EPHA2: variants seen among roughly 807,000 people sequenced by gnomAD.
EPHA2 encodes EPH receptor A2, also known as ephrin type-A receptor 2.
EPHA2 carries 54 observed loss-of-function variants against 104.9 expected under a neutral mutation model. The ratio of observed to expected loss-of-function variants is 0.51; its 90% CI spans 0.41 to 0.65. The LOEUF is 0.65. Ranked by LOEUF, EPHA2 falls within the 30% of genes least tolerant of loss-of-function variation. The probability of loss-of-function intolerance (pLI) is 0.00; values close to 1 mark genes in which losing one functional copy is unlikely to be tolerated. For synonymous variants in EPHA2, 560 were observed against 559.1 expected, an observed-to-expected ratio of 1.00 and a Z score of -0.02; for missense variants, 1,117 against 1,369.5, an observed-to-expected ratio of 0.82 and a Z score of 2.91.
intron 1 of EPHA2, among the ~76,000 whole-genome samples, chr1:16,153,958 C>A (rs945552998): frequency 6.6e-6 from 1 of 151,958 alleles, no homozygotes; most frequent in South Asian, 2.1e-4. Flanking sequence ...GACTCAGAGT[C>A]GAAGCAAAAA....
intron 1 of EPHA2, chr1:16,153,039 T>C (rs1425507666): frequency 1.2e-6 from 1 of 836,782 alleles, no homozygotes; most frequent in African/African-American, 1.8e-5. Context: ...TGGGAGCCCC[T>C]CGGCTGACCC....
intron 16 of EPHA2, among the ~76,000 whole-genome samples, chr1:16,127,093 A>G (rs2024484245): frequency 6.6e-6 from 1 of 152,158 alleles, no homozygotes; most frequent in Non-Finnish European, 1.5e-5. Context: ...GAAAACTCCA[A>G]GGCCATATAC....
Position 16,148,970 on chromosome 1 carries a change from C to G in EPHA2, c.231G>C (p.Gln77His). ...CCCAGTTGGTGCGGAGCCAGTTGTC[C>G]TGGTCGCCAGACATCACGTTGCACA... ...YSVCNVMSGDQDNWLRTNWVY... is the reference protein window; with the variant it reads ...YSVCNVMSGDHDNWLRTNWVY... The change falls in exon 3 of 17, where the codon CAG becomes CAC. Residue 77 changes from glutamine to histidine, a missense_variant. Physicochemically the swap from Gln to His is conservative, Grantham distance 24. Around this residue, in one of 3 missense-constraint regions of EPHA2, gnomAD observed 664 missense variants for 784.8 expected, o/e 0.85. Transcript: ENST00000358432. The surrounding 1 kb of genome is among the most constrained non-coding windows in gnomAD (Gnocchi z 4.9). 2 of 1,614,156 alleles carry G rather than the reference C, an allele frequency of 1.2e-6. No individual in the cohort carries two copies. Among genetic ancestry groups the G allele is most frequent in the Non-Finnish European group, 1.7e-6 (2 of 1,180,044 alleles).
intron 3 of EPHA2, among the ~76,000 whole-genome samples, chr1:16,140,117 G>C (rs2024794699): frequency 2.0e-5 from 3 of 152,208 alleles, no homozygotes; most frequent in African/African-American, 2.4e-5. Flanking sequence ...GGACTCAAAG[G>C]ACACCCAGCT....
rs1490324667 is a variant in EPHA2 at position 16,148,332 on chromosome 1, T to C, written c.823+46A>G. 6.3e-7 allele frequency: 1 copy of C among 1,590,204 alleles called. No homozygotes were observed. Among genetic ancestry groups the C allele is most frequent in the African/African-American group, 1.5e-5 (1 of 67,708 alleles). ...GATTCCAAAGCTAAAGACCAGAACC[T>C]GGGAATGCAGAACCCCCTTCCCTGC... is the stretch of plus-strand genomic sequence containing the variant. On this transcript the variant is annotated intron_variant, in intron 3 of 16. Transcript: ENST00000358432. This position sits in a 1 kb window ranked among gnomAD's most constrained non-coding sequence, Gnocchi z 4.9.
intron 1 of EPHA2, among the ~76,000 whole-genome samples, 192 bp from the exon 2 acceptor site, chr1:16,151,155 A>C (rs1331782117): frequency 6.6e-6 from 1 of 152,176 alleles, no homozygotes; most frequent in African/African-American, 2.4e-5. Context: ...AAAAGGATGG[A>C]ACCCAGCTGA....
Position 16,138,087 on chromosome 1 carries a change from T to A in EPHA2, c.1078A>T (p.Ile360Phe), listed in dbSNP as rs750258585. ...PPQDSGGREDIVYSVTCEQCW... is the reference protein window; with the variant it reads ...PPQDSGGREDFVYSVTCEQCW... ...TGTTCGCAGGTGACGCTGTAGACAA[T>A]GTCCTCGCGGCCCCCGCTGTCCTGA... The change falls in exon 5 of 17, where the codon ATT (isoleucine) becomes TTT (phenylalanine). Residue 360 changes from isoleucine (I) to phenylalanine (F), a missense_variant. Ile to Phe is a conservative substitution (Grantham distance 21). Coordinates refer to ENST00000358432, the MANE Select transcript of EPHA2 (RefSeq NM_004431.5). 6.2e-7 allele frequency: 1 copy of A among 1,611,326 alleles called. No homozygotes were observed. The highest frequency in any genetic ancestry group is 1.7e-5 in the Admixed American group (1 of 60,008).
intron 5 of EPHA2, among the ~76,000 whole-genome samples, chr1:16,137,419 A>C (rs1189051662): frequency 6.6e-6 from 1 of 152,008 alleles, no homozygotes; most frequent in Non-Finnish European, 1.5e-5. Context: ...CGACATAGTG[A>C]AACCCTGTCT....
rs2024967979 is a variant in EPHA2 at position 16,148,231 on chromosome 1, G to A, written c.823+147C>T. Reference sequence around the variant, plus strand: ...GTCCAGCCTTAATAAGGAAACTGATGTCTGGGAAGGATCTATAATTTCCAC... The same window carrying A: ...GTCCAGCCTTAATAAGGAAACTGATATCTGGGAAGGATCTATAATTTCCAC... On this transcript the variant is annotated intron_variant, in intron 3 of 16. Coordinates refer to ENST00000358432, the MANE Select transcript of EPHA2 (RefSeq NM_004431.5). The surrounding 1 kb of genome is among the most constrained non-coding windows in gnomAD (Gnocchi z 4.9). 2 of 1,036,296 alleles carry A rather than the reference G, an allele frequency of 1.9e-6. No homozygotes were observed. The highest frequency in any genetic ancestry group is 1.6e-5 in the African/African-American group (1 of 63,416). The allele number at this position is 1,036,296 out of a possible 1,614,324, so 64.2% of individuals were successfully genotyped here.
rs1011612732 is a variant in EPHA2, at chr1:16,150,298, C to G, written c.153+598G>C. The stretch of plus-strand genomic sequence containing the variant: ...GAGCCACATCTTCCCCAAGATCACA[C>G]AGCAGACACACACAGCCAGGGGAAG... On this transcript the variant is annotated intron_variant, in intron 2 of 16. Transcript: ENST00000358432. The surrounding 1 kb of genome is among the most constrained non-coding windows in gnomAD (Gnocchi z 4.8). Among the ~76,000 whole-genome samples the G allele has an allele frequency of 6.6e-6, 1 of 152,186 alleles. No individual in the cohort carries two copies. Among genetic ancestry groups the G allele is most frequent in the South Asian group, 2.1e-4 (1 of 4,828 alleles).
chr1:16,133,390 G>A, intron 10 of EPHA2, 22 bp from the exon 11 acceptor site: 3 of 1,613,822 alleles, frequency 1.9e-6, no homozygotes, highest in Non-Finnish European at 2.5e-6. Context: ...CAGGGTCAGG[G>A]GAGTGCCCTG....
chr1:16,139,125 C>A (rs1028105705), intron 3 of EPHA2, among the ~76,000 whole-genome samples: 1 of 152,202 alleles, frequency 6.6e-6, no homozygotes, highest in Non-Finnish European at 1.5e-5. Flanking sequence ...CCCCCAGTGG[C>A]CAGTCCTGTC....
At chr1:16,146,021 G>A (rs765368075) in intron 3 of EPHA2, among the ~76,000 whole-genome samples, 2 of 152,202 alleles carry the variant, frequency 1.3e-5, no homozygotes, top group Admixed American at 6.5e-5. Context: ...GACGACACCC[G>A]TCTACGGTAG....
At position 16,135,158 on chromosome 1, in the gene EPHA2, G is replaced by A; in HGVS notation, c.1460C>T (p.Thr487Ile). 1 of 1,614,000 alleles carries A rather than the reference G, an allele frequency of 6.2e-7. No homozygotes were observed. Among genetic ancestry groups the A allele is most frequent in the Non-Finnish European group, 8.5e-7 (1 of 1,180,008 alleles). ...GDSNSYNVRR[T>I]EGFSVTLDDL... The stretch of plus-strand genomic sequence containing the variant: ...GTCCAGGGTCACGGAGAAACCCTCG[G>A]TGCGGCGCACATTGTAGCTGTTGGA... Residue 487 changes from threonine to isoleucine, a missense_variant, in exon 7 of 17, where the codon ACC becomes ATC. Coordinates refer to ENST00000358432, the MANE Select transcript of EPHA2 (RefSeq NM_004431.5). The surrounding 1 kb of genome is among the most constrained non-coding windows in gnomAD (Gnocchi z 4.3).
chr1:16,136,520 G>C (rs1317808892), intron 5 of EPHA2, among the ~76,000 whole-genome samples: 1 of 150,490 alleles, frequency 6.6e-6, no homozygotes. Flanking sequence ...TCAGGAGGCT[G>C]AGGCAGGAGA....
At position 16,138,338 on chromosome 1, in the gene EPHA2, A is replaced by T; in HGVS notation, c.916T>A (p.Ser306Thr). The T allele has an allele frequency of 6.2e-7, 1 of 1,613,874 alleles. No individual in the cohort carries two copies. Among genetic ancestry groups the T allele is most frequent in the Non-Finnish European group, 8.5e-7 (1 of 1,179,964 alleles). Residue 306 changes from serine (S) to threonine (T), a missense_variant, in exon 4 of 17, where the codon TCC becomes ACC. Transcript: ENST00000358432. ...HTLPSPEGAT[S>T]CECEEGFFRA... ...AAGAAGCCTTCCTCACACTCGCAGGAGGTGGCACCCTCAGGGGATGGCAGC... is the reference window on the plus strand; with the variant it reads ...AAGAAGCCTTCCTCACACTCGCAGGTGGTGGCACCCTCAGGGGATGGCAGC...
In EPHA2 at chr1:16,131,796, C is replaced by G; in HGVS notation, c.2400G>C (p.Val800=). 1 of 1,614,170 alleles carries G rather than the reference C, an allele frequency of 6.2e-7. No homozygotes were observed. The highest frequency in any genetic ancestry group is 8.5e-7 in the Non-Finnish European group (1 of 1,180,040). The change falls in exon 14 of 17, where the codon GTG becomes GTC. Residue 800 remains valine, a synonymous_variant. Coordinates refer to ENST00000358432, the MANE Select transcript of EPHA2 (RefSeq NM_004431.5). The surrounding 1 kb of genome is among the most constrained non-coding windows in gnomAD (Gnocchi z 5.2). ...CCCACATGACAATGCCAAAGCTCCA[C>G]ACGTCGCTGGCAGAGGTGAACTTCC... ...SYRKFTSASD[V]WSFGIVMWEV...
Position 16,125,613 on chromosome 1 carries a change from A to G in EPHA2, c.2826-293T>C, listed in dbSNP as rs967638160. Among the ~76,000 whole-genome samples, 11 of 152,100 alleles carry G rather than the reference A, an allele frequency of 7.2e-5. No individual in the cohort carries two copies. Among genetic ancestry groups the G allele is most frequent in the African/African-American group, 2.4e-4 (10 of 41,390 alleles). On this transcript the variant is annotated intron_variant, in intron 16 of 16. Transcript: ENST00000358432. The surrounding 1 kb of genome is among the most constrained non-coding windows in gnomAD (Gnocchi z 4.9). Reference sequence around the variant, plus strand: ...CTTTAAAAAAATAAAAATAAATCAAATCTTCTGAATTATCTGTGAGGCAGG... The same window carrying G: ...CTTTAAAAAAATAAAAATAAATCAAGTCTTCTGAATTATCTGTGAGGCAGG...
In EPHA2 at chr1:16,148,501, C is replaced by T. The variant is rs2124260997; in HGVS notation, c.700G>A (p.Ala234Thr). ...TCTTCACCCCCCGGTGGCACCACGG[C>T]ATGGTCCACACAGGTGCCGGCCACA... ...ATVAGTCVDH[A>T]VVPPGGEEPR... The change falls in exon 3 of 17, where the codon GCC becomes ACC. Residue 234 changes from alanine to threonine, a missense_variant. Physicochemically the swap from Ala to Thr is moderately conservative, Grantham distance 58. Around this residue, in one of 3 missense-constraint regions of EPHA2, gnomAD observed 664 missense variants for 784.8 expected, o/e 0.85. Coordinates refer to ENST00000358432, the MANE Select transcript of EPHA2 (RefSeq NM_004431.5). This position sits in a 1 kb window ranked among gnomAD's most constrained non-coding sequence, Gnocchi z 4.9. The T allele has an allele frequency of 6.2e-7, 1 of 1,613,818 alleles. No homozygotes were observed. The highest frequency in any genetic ancestry group is 8.5e-7 in the Non-Finnish European group (1 of 1,180,028).
Sources: gnomAD v4.1 joint callset for allele counts (sites outside exome capture counted in the v4.1 genomes callset) on GRCh38, gnomAD v4.1.1 for gene constraint, gnomAD v4.1.1 regional missense constraint, Gnocchi (gnomAD v3.1) non-coding constraint, MANE v1.5 for transcripts, NCBI Gene and HGNC (gene_info 2026-07-23, HGNC 2026-07-21) for gene names.